The following LRRTM3 variants were observed in gnomAD, a reference collection of about 807,000 sequenced individuals.
The protein encoded by LRRTM3 is leucine rich repeat transmembrane neuronal 3, also known as leucine-rich repeat transmembrane neuronal protein 3.
Under a neutral mutation model 44.7 loss-of-function variants are expected in LRRTM3, and 24 were observed. That is an observed-to-expected ratio of 0.54 (90% CI 0.39 to 0.76). LRRTM3 has a LOEUF of 0.76. Ranked by LOEUF, LRRTM3 falls within the 30% of genes least tolerant of loss-of-function variation. LRRTM3 has a pLI of 0.00. For synonymous variants in LRRTM3, 277 were observed against 278.7 expected (o/e 0.99, Z 0.06); for missense variants, 587 against 702.2 (o/e 0.84, Z 1.85).
At chr10:66,972,058 C>T (rs1329903116) in intron 2 of LRRTM3, among the ~76,000 whole-genome samples, 1 of 152,074 alleles carries the variant, frequency 6.6e-6, no homozygotes, top group Non-Finnish European at 1.5e-5. Context: ...TTTATAATAT[C>T]TTGAACTCTA....
At chr10:67,074,807 AC>A (rs1393557423) in intron 2 of LRRTM3, among the ~76,000 whole-genome samples, 1 of 149,078 alleles carries the variant, frequency 6.7e-6, no homozygotes, top group Non-Finnish European at 1.5e-5. Flanking sequence ...TATGAACATA[AC>A]ATAATTTATT....
chr10:66,968,527 A>G (rs12249820), intron 2 of LRRTM3, among the ~76,000 whole-genome samples: 1 of 151,904 alleles, frequency 6.6e-6, no homozygotes, highest in Non-Finnish European at 1.5e-5. Flanking sequence ...TATCTAAAAA[A>G]ACGTGGTTAG....
At chr10:66,936,255 G>A (rs1427135403) in intron 2 of LRRTM3, among the ~76,000 whole-genome samples, 5 of 151,832 alleles carry the variant, frequency 3.3e-5, no homozygotes, top group Non-Finnish European at 5.9e-5. Flanking sequence ...AGATATAGAC[G>A]AAAAGAGAAA....
intron 2 of LRRTM3, among the ~76,000 whole-genome samples, chr10:66,956,575 C>T (rs906399224): frequency 1.3e-5 from 2 of 152,116 alleles, no homozygotes. Context: ...CAGTTCCCTC[C>T]AGTGAAATGT....
chr10:67,019,507 C>T (rs1852863570), intron 2 of LRRTM3, among the ~76,000 whole-genome samples: 2 of 152,166 alleles, frequency 1.3e-5, no homozygotes, highest in South Asian at 2.1e-4. Flanking sequence ...CATGAGCCAC[C>T]GTACCTGGTT....
chr10:67,041,763 A>T (rs920691699), intron 2 of LRRTM3, among the ~76,000 whole-genome samples: 1 of 152,148 alleles, frequency 6.6e-6, no homozygotes, highest in African/African-American at 2.4e-5. Flanking sequence ...TAAATAAGAT[A>T]ATATTCTATC....
rs566041977 is a variant in LRRTM3 at position 66,958,918 on chromosome 10, G to T, written c.1536+30466G>T. Among the ~76,000 whole-genome samples the T allele has an allele frequency of 2.6e-5, 4 of 152,236 alleles. No homozygotes were observed. In the East Asian group the frequency reaches 7.7e-4, roughly 29 times the overall value. On this transcript the variant is annotated intron_variant, in intron 2 of 2. Transcript: ENST00000361320. ...TCATGAAAGTTCCCTTTATAGGTCA[G>T]ATATCATTTAACTTGTCCAAGTAGT...
At chr10:67,031,090 G>C (rs538249064) in intron 2 of LRRTM3, among the ~76,000 whole-genome samples, 1 of 152,274 alleles carries the variant, frequency 6.6e-6, no homozygotes, top group South Asian at 2.1e-4. Context: ...CTTGACTTCT[G>C]TTTTCACATG....
intron 2 of LRRTM3, among the ~76,000 whole-genome samples, chr10:67,021,804 G>A (rs910276991): frequency 1.1e-4 from 17 of 152,122 alleles, no homozygotes; most frequent in African/African-American, 4.1e-4. Flanking sequence ...TAGGACAATG[G>A]CAATCCAAAT....
chr10:66,968,790 G>A (rs1849570257), intron 2 of LRRTM3, among the ~76,000 whole-genome samples: 1 of 152,070 alleles, frequency 6.6e-6, no homozygotes, highest in African/African-American at 2.4e-5. Context: ...GCCAAGGTGG[G>A]CAGATTACTT....
chr10:67,003,864 T>G lies in LRRTM3; in HGVS notation c.1536+75412T>G, dbSNP rs147830979. On this transcript the variant is annotated intron_variant, in intron 2 of 2. Coordinates refer to ENST00000361320, the MANE Select transcript of LRRTM3 (RefSeq NM_178011.5). ...GATTTTAACATACATTTGCAATGCA[T>G]CAGCCAAAGTGCAGCATAAAACGGA... is the stretch of plus-strand genomic sequence containing the variant. Among the ~76,000 whole-genome samples, 11 of 152,300 alleles carry G rather than the reference T, an allele frequency of 7.2e-5. No homozygotes were observed. In the East Asian group the frequency reaches 2.1e-3, roughly 29 times the overall value.
chr10:67,061,503 G>GCAT (rs1199290723), intron 2 of LRRTM3, among the ~76,000 whole-genome samples: 1 of 151,998 alleles, frequency 6.6e-6, no homozygotes, highest in East Asian at 1.9e-4. Context: ...TCTCTGTTCT[G>GCAT]CATCTTTAGC....
At chr10:66,946,266 T>C (rs1036641391) in intron 2 of LRRTM3, among the ~76,000 whole-genome samples, 6 of 152,186 alleles carry the variant, frequency 3.9e-5, no homozygotes, top group African/African-American at 1.4e-4. Context: ...AATTATCTTA[T>C]TCTTTGGAAA....
chr10:66,956,961 T>C (rs1848823345), intron 2 of LRRTM3, among the ~76,000 whole-genome samples: 1 of 152,196 alleles, frequency 6.6e-6, no homozygotes, highest in Non-Finnish European at 1.5e-5. Flanking sequence ...TGGCTTTGCT[T>C]TGGGGAAAGA....
chr10:67,036,518 G>A (rs771492117), intron 2 of LRRTM3, among the ~76,000 whole-genome samples: 3 of 151,986 alleles, frequency 2.0e-5, no homozygotes, highest in Non-Finnish European at 2.9e-5. Flanking sequence ...ACAAAACTTA[G>A]CCGGGCGTGG....
chr10:67,095,814 C>A (rs1298985885), intron 2 of LRRTM3, among the ~76,000 whole-genome samples: 1 of 151,846 alleles, frequency 6.6e-6, no homozygotes, highest in Non-Finnish European at 1.5e-5. Context: ...AGTAACAGTT[C>A]TATTTTTGTT....
intron 2 of LRRTM3, among the ~76,000 whole-genome samples, chr10:66,997,436 A>G (rs1185508641): frequency 6.6e-6 from 1 of 152,216 alleles, no homozygotes; most frequent in Non-Finnish European, 1.5e-5. Context: ...GCATGATTTA[A>G]TCTAACAACT....
At chr10:67,060,254 G>T (rs1855685289) in intron 2 of LRRTM3, among the ~76,000 whole-genome samples, 1 of 152,114 alleles carries the variant, frequency 6.6e-6, no homozygotes, top group African/African-American at 2.4e-5. Flanking sequence ...GGAGGTAGAG[G>T]CTGCAGTGAG....
intron 2 of LRRTM3, among the ~76,000 whole-genome samples, chr10:67,009,348 A>G (rs2133029791): frequency 6.6e-6 from 1 of 151,422 alleles, no homozygotes; most frequent in East Asian, 1.9e-4. Context: ...GCTTTTCTCC[A>G]TATTTCTAAC....
Sources: allele counts gnomAD v4.1 joint callset (sites outside exome capture counted in the v4.1 genomes callset), GRCh38; gene constraint gnomAD v4.1.1; transcripts MANE v1.5; gene names NCBI Gene and HGNC (gene_info 2026-07-23, HGNC 2026-07-21).